The following IARS2 variants were observed in gnomAD, a reference collection of about 807,000 sequenced individuals.
IARS2 encodes the protein isoleucine--tRNA ligase, mitochondrial.
Under a neutral mutation model 126.3 loss-of-function variants are expected in IARS2, and 56 were observed. That is an observed-to-expected ratio of 0.44 (90% CI 0.36 to 0.55). The LOEUF is 0.55. IARS2 is among the 20% of genes least tolerant of loss of function. The pLI, the probability that IARS2 is intolerant of heterozygous loss-of-function variation, is 0.00. For synonymous variants in IARS2, 407 were observed against 441.1 expected, an observed-to-expected ratio of 0.92 and a Z score of 0.97; for missense variants, 1,127 against 1,245.9, an observed-to-expected ratio of 0.90 and a Z score of 1.44.
intron 14 of IARS2, among the ~76,000 whole-genome samples, chr1:220,131,895 T>G (rs1295819331): frequency 6.6e-6 from 1 of 151,500 alleles, no homozygotes; most frequent in Non-Finnish European, 1.5e-5. Context: ...CCTCCTAGGT[T>G]CAAGCAATTC....
chr1:220,126,807 T>G lies in IARS2; in HGVS notation c.1801T>G (p.Phe601Val). ...AGGTCAGGATATTTTGGACATCTGG[T>G]TTGATAGCGGAACTTCATGGTCTTA... is the stretch of plus-strand genomic sequence containing the variant. ...VPGQDILDIW[F>V]DSGTSWSYVL... Residue 601 changes from phenylalanine to valine, a missense_variant, in exon 14 of 23, where the codon TTT (phenylalanine) becomes GTT (valine). By Grantham distance (50) the Phe-to-Val change is conservative (BLOSUM62 -1). Transcript: ENST00000366922. 6.2e-7 allele frequency: 1 copy of G among 1,613,396 alleles called. No individual in the cohort carries two copies. The highest frequency in any genetic ancestry group is 8.5e-7 in the Non-Finnish European group (1 of 1,179,850).
In IARS2 at chr1:220,147,805, A is replaced by G; in HGVS notation, c.*170A>G. 1.6e-6 allele frequency: 1 copy of G among 628,066 alleles called. No individual in the cohort carries two copies. Among genetic ancestry groups the G allele is most frequent in the Non-Finnish European group, 2.7e-6 (1 of 364,144 alleles). 38.9% of individuals were successfully genotyped at this position (628,066 alleles called of 1,614,324 possible). On this transcript the variant is annotated 3_prime_UTR_variant, in exon 23 of 23. Coordinates refer to ENST00000366922, the MANE Select transcript of IARS2 (RefSeq NM_018060.4). ...TATAGAAGAAGTATTTCCTGTAACT[A>G]TAGAAAGAATTATGTATATATACAT...
chr1:220,102,328 T>G (rs1656595404), intron 4 of IARS2, 35 bp from the exon 5 acceptor site: 1 of 1,609,250 alleles, frequency 6.2e-7, no homozygotes. Context: ...CGTTACAAGA[T>G]TCTACTTTTA....
At chr1:220,126,006 CTG>C (rs1458753055) in intron 13 of IARS2, among the ~76,000 whole-genome samples, 1 of 150,878 alleles carries the variant, frequency 6.6e-6, no homozygotes, top group East Asian at 2.0e-4. Flanking sequence ...ACTCGGGAGA[CTG>C]AGGCAGGAGA....
intron 2 of IARS2, among the ~76,000 whole-genome samples, chr1:220,097,297 C>T (rs929308197): frequency 1.3e-5 from 2 of 151,870 alleles, no homozygotes; most frequent in African/African-American, 4.8e-5. Context: ...ACCCCAGACC[C>T]CCAGCACATT....
intron 12 of IARS2, among the ~76,000 whole-genome samples, chr1:220,119,299 A>G (rs191055616): frequency 2.0e-5 from 3 of 152,214 alleles, no homozygotes; most frequent in Admixed American, 2.0e-4. Flanking sequence ...AGGTTTTATG[A>G]TGGATTTATT....
chr1:220,147,732 T>A lies in IARS2; in HGVS notation c.*97T>A, dbSNP rs562574038. ...ATAGGAAAGAAAGCCAAGATTTAGGTAATGAGTGGATGAGTAAATGGTGGA... is the reference window on the plus strand; with the variant it reads ...ATAGGAAAGAAAGCCAAGATTTAGGAAATGAGTGGATGAGTAAATGGTGGA... On this transcript the variant is annotated 3_prime_UTR_variant, in exon 23 of 23. Coordinates refer to ENST00000366922, the MANE Select transcript of IARS2 (RefSeq NM_018060.4). 16 of 1,256,718 alleles carry A rather than the reference T, an allele frequency of 1.3e-5. No individual in the cohort carries two copies. In the South Asian group the frequency reaches 1.7e-4, roughly 13 times the overall value. The allele number at this position is 1,256,718 out of a possible 1,614,324, so 77.8% of individuals were successfully genotyped here.
At chr1:220,118,250 T>C (rs759121464) in intron 12 of IARS2, 8 of 469,006 alleles carry the variant, frequency 1.7e-5, no homozygotes, top group African/African-American at 1.2e-4. Flanking sequence ...ATTAAACATA[T>C]AAGGAGATTC....
At chr1:220,094,668 C>G (rs1223690219) in intron 1 of IARS2, among the ~76,000 whole-genome samples, 185 bp downstream of exon 1, 1 of 152,210 alleles carries the variant, frequency 6.6e-6, no homozygotes, top group Admixed American at 6.5e-5. Flanking sequence ...GAAGAAATCT[C>G]TAGATGAGCC....
At chr1:220,109,784 G>C (rs1656759480) in intron 10 of IARS2, among the ~76,000 whole-genome samples, 1 of 152,194 alleles carries the variant, frequency 6.6e-6, no homozygotes, top group South Asian at 2.1e-4. Flanking sequence ...AGTGCTGGGG[G>C]TTAGATCTTC....
At chr1:220,131,171 C>CTTTA (rs781127057) in intron 14 of IARS2, among the ~76,000 whole-genome samples, 49 of 151,602 alleles carry the variant, frequency 3.2e-4, no homozygotes, top group Admixed American at 8.6e-4. Flanking sequence ...TGCATTGAAT[C>CTTTA]TTTATTTATT....
chr1:220,100,696 A>G (rs750027631), intron 3 of IARS2, 47 bp downstream of exon 3: 14 of 1,454,108 alleles, frequency 9.6e-6, no homozygotes, highest in Non-Finnish European at 1.3e-5. Context: ...GTAAACACTC[A>G]GGTCCTTGAA....
At chr1:220,107,799 G>T (rs1409248692) in intron 10 of IARS2, among the ~76,000 whole-genome samples, 1 of 152,126 alleles carries the variant, frequency 6.6e-6, no homozygotes, top group African/African-American at 2.4e-5. Context: ...ATCCTTACTT[G>T]CCTCTTTCTA....
chr1:220,138,008 T>G lies in IARS2; in HGVS notation c.2140T>G (p.Ser714Ala). ...NVFTEVAIGP[S>A]VLNAARDDIS... The stretch of plus-strand genomic sequence containing the variant: ...CTTCACCGAAGTTGCAATTGGCCCA[T>G]CCGTGCTCAATGCTGCCAGAGATGA... Residue 714 changes from serine to alanine, a missense_variant, in exon 17 of 23, where the codon TCC becomes GCC. By Grantham distance (99) the Ser-to-Ala change is moderately conservative. Coordinates refer to ENST00000366922, the MANE Select transcript of IARS2 (RefSeq NM_018060.4). The G allele has an allele frequency of 2.5e-6, 4 of 1,614,138 alleles. No individual in the cohort carries two copies. The highest frequency in any genetic ancestry group is 1.1e-5 in the South Asian group (1 of 91,080).
At chr1:220,102,034 C>A in intron 3 of IARS2, 95 bp from the exon 4 acceptor site, 1 of 1,205,476 alleles carries the variant, frequency 8.3e-7, no homozygotes, top group Non-Finnish European at 1.2e-6. Context: ...TCTAAACTGT[C>A]TGTAGCATTT....
rs267598384 is a variant in IARS2, at chr1:220,145,637, C to T, written c.2880C>T (p.Phe960=). 1 of 1,612,344 alleles carries T rather than the reference C, an allele frequency of 6.2e-7. No individual in the cohort carries two copies. The highest frequency in any genetic ancestry group is 8.5e-7 in the Non-Finnish European group (1 of 1,178,950). Residue 960 remains phenylalanine, a synonymous_variant, in exon 22 of 23, where the codon TTC becomes TTT. Coordinates refer to ENST00000366922, the MANE Select transcript of IARS2 (RefSeq NM_018060.4). ...ATGTAATCGAGCTTAAAGGGAAATT[C>T]CTCATCAACTTAGAAGGTAAGAAGG... The part of the protein sequence containing the change: ...TADVIELKGK[F]LINLEGGDIR...
intron 2 of IARS2, among the ~76,000 whole-genome samples, chr1:220,097,173 T>C (rs1656462373): frequency 6.6e-6 from 1 of 152,024 alleles, no homozygotes; most frequent in Non-Finnish European, 1.5e-5. Flanking sequence ...TTTACTGGCT[T>C]TTTTACTGTA....
At position 220,147,784 on chromosome 1, in the gene IARS2, G is replaced by T; in HGVS notation, c.*149G>T. On this transcript the variant is annotated 3_prime_UTR_variant, in exon 23 of 23. Coordinates refer to ENST00000366922, the MANE Select transcript of IARS2 (RefSeq NM_018060.4). The stretch of plus-strand genomic sequence containing the variant: ...GATGGGAGTCAAAATCAGAATTATA[G>T]AAGAAGTATTTCCTGTAACTATAGA... The T allele has an allele frequency of 1.5e-6, 1 of 684,426 alleles. No homozygotes were observed. Among genetic ancestry groups the T allele is most frequent in the Non-Finnish European group, 2.4e-6 (1 of 409,892 alleles). 42.4% of individuals were successfully genotyped at this position (684,426 alleles called of 1,614,324 possible).
At chr1:220,145,834 T>C (rs1460778222) in intron 22 of IARS2, among the ~76,000 whole-genome samples, 181 bp downstream of exon 22, 1 of 152,200 alleles carries the variant, frequency 6.6e-6, no homozygotes, top group African/African-American at 2.4e-5. Context: ...CTATCTTACC[T>C]GATGATCTTG....
Sources: gnomAD v4.1 joint callset for allele counts (sites outside exome capture counted in the v4.1 genomes callset) on GRCh38, gnomAD v4.1.1 for gene constraint, MANE v1.5 for transcripts, NCBI Gene and HGNC (gene_info 2026-07-23, HGNC 2026-07-21) for gene names.